PCDHA4: variants seen among roughly 807,000 people sequenced by gnomAD.
PCDHA4 encodes the protein protocadherin alpha 4, also known as protocadherin alpha-4.
Under a neutral mutation model 61.4 loss-of-function variants are expected in PCDHA4, and 49 were observed. The observed-to-expected ratio is 0.80, with a 90% confidence interval of 0.63 to 1.01. The LOEUF is 1.01. Among genes scored for constraint, PCDHA4 ranks in the 50% least tolerant of loss-of-function variants. The pLI, the probability that PCDHA4 is intolerant of heterozygous loss-of-function variation, is 0.00. For missense variants in PCDHA4, 1,254 were observed against 1,235.8 expected (o/e 1.01, Z -0.22); for synonymous variants, 590 against 550.3 (o/e 1.07, Z -1.01).
chr5:140,869,320 G>T, intron 1 of PCDHA4: 1 of 1,613,846 alleles, frequency 6.2e-7, no homozygotes, highest in Non-Finnish European at 8.5e-7. Context: ...AACACATGGG[G>T]ACCTTCTGGA....
In PCDHA4 at chr5:140,978,956, A is replaced by G; in HGVS notation, c.2393A>G (p.Gln798Arg). 3 of 1,614,194 alleles carry G rather than the reference A, an allele frequency of 1.9e-6. No individual in the cohort carries two copies. The highest frequency in any genetic ancestry group is 2.5e-6 in the Non-Finnish European group (3 of 1,180,026). ...CTCTTTGTGATTTTGCAGCCACGAC[A>G]GCCCAACCCTGACTGGCGTTACTCT... ...TTEESFAKPR[Q>R]PNPDWRYSAS... Residue 798 changes from glutamine (Q) to arginine (R), a missense_variant, in exon 2 of 4, where the codon CAG becomes CGG. Transcript: ENST00000530339.
intron 1 of PCDHA4, chr5:140,857,310 A>C (rs781828328): frequency 6.3e-7 from 1 of 1,598,608 alleles, no homozygotes; most frequent in Admixed American, 1.7e-5. Flanking sequence ...TCGGCCTATG[A>C]GCTGGTGGTG....
chr5:140,962,516 A>C (rs1554226093), intron 1 of PCDHA4, among the ~76,000 whole-genome samples: 1 of 152,208 alleles, frequency 6.6e-6, no homozygotes, highest in Non-Finnish European at 1.5e-5. Flanking sequence ...ACTATCAATA[A>C]TATATTAGTT....
chr5:140,873,030 C>T (rs251373), intron 1 of PCDHA4, among the ~76,000 whole-genome samples: 67,234 of 151,934 alleles, frequency 0.44, 15,336 homozygotes, highest in South Asian at 0.58. Context: ...TCTTACTACA[C>T]GTAGAGTGGT....
chr5:141,004,528 C>T (rs2098169666), intron 3 of PCDHA4, among the ~76,000 whole-genome samples: 1 of 152,230 alleles, frequency 6.6e-6, no homozygotes, highest in Non-Finnish European at 1.5e-5. Flanking sequence ...CCAATACACA[C>T]AGCCATTAAT....
At chr5:140,836,232 G>A in intron 1 of PCDHA4, 5 of 1,613,788 alleles carry the variant, frequency 3.1e-6, no homozygotes, top group East Asian at 2.2e-5. Context: ...GGTGGCGGCC[G>A]GTGCGAGCAT....
chr5:140,934,346 G>T (rs941608404), intron 1 of PCDHA4, among the ~76,000 whole-genome samples: 1 of 152,130 alleles, frequency 6.6e-6, no homozygotes, highest in South Asian at 2.1e-4. Flanking sequence ...CACCAGTACA[G>T]TGTGGAGCCA....
In PCDHA4 at chr5:140,841,444, C is replaced by T. The variant is rs2150315677; in HGVS notation, c.2385+31872C>T. 15 of 1,612,806 alleles carry T rather than the reference C, an allele frequency of 9.3e-6. 1 individual carries two copies. The highest frequency in any genetic ancestry group is 1.3e-5 in the African/African-American group (1 of 74,834). ...ACTCCGTCCCCGAGGAGGCCAAACACGGCACCTTCGTGGGCCGGATCGCGC... is the reference window on the plus strand; with the variant it reads ...ACTCCGTCCCCGAGGAGGCCAAACATGGCACCTTCGTGGGCCGGATCGCGC... On this transcript the variant is annotated intron_variant, in intron 1 of 3. Transcript: ENST00000530339.
chr5:140,857,234 C>T (rs781784109), intron 1 of PCDHA4: 2 of 1,598,590 alleles, frequency 1.3e-6, no homozygotes, highest in South Asian at 1.1e-5. Context: ...TCCGTTCAAG[C>T]TGGTGTCCAC....
At chr5:140,884,307 C>G (rs144612735) in intron 1 of PCDHA4, 1 of 1,613,724 alleles carries the variant, frequency 6.2e-7, no homozygotes. Context: ...CAGGCTTCGT[C>G]GAGGGCGTCG....
At position 140,809,544 on chromosome 5, in the gene PCDHA4, T is replaced by G; in HGVS notation, c.2357T>G (p.Leu786Arg). ...LPDSRDREDQLQTTEESFAKP... is the reference protein window; with the variant it reads ...LPDSRDREDQRQTTEESFAKP... ...GACTCTAGGGACAGAGAAGATCAGC[T>G]GCAGACAACTGAGGAATCCTTTGCA... The change falls in exon 1 of 4, where the codon CTG becomes CGG. Residue 786 changes from leucine to arginine, a missense_variant. By Grantham distance (102) the Leu-to-Arg change is moderately radical. Transcript: ENST00000530339. 1 of 1,613,228 alleles carries G rather than the reference T, an allele frequency of 6.2e-7. No homozygotes were observed.
At chr5:141,006,894 A>G (rs781832084) in intron 3 of PCDHA4, among the ~76,000 whole-genome samples, 6 of 152,212 alleles carry the variant, frequency 3.9e-5, no homozygotes, top group African/African-American at 7.2e-5. Context: ...TTGATTTCAG[A>G]TTTCTTCAGT....
intron 1 of PCDHA4, among the ~76,000 whole-genome samples, chr5:140,941,602 A>G (rs1364169026): frequency 1.3e-5 from 2 of 151,994 alleles, no homozygotes; most frequent in African/African-American, 4.8e-5. Flanking sequence ...GCCATGAGCC[A>G]TGGTGCCCAG....
chr5:140,941,701 C>T (rs1312324595), intron 1 of PCDHA4, among the ~76,000 whole-genome samples: 3 of 152,142 alleles, frequency 2.0e-5, no homozygotes, highest in Non-Finnish European at 4.4e-5. Context: ...TTGGGCTTAG[C>T]TTTCCTCCAC....
intron 3 of PCDHA4, 167 bp from the exon 4 acceptor site, chr5:141,009,456 CAAAT>C (rs2098408902): frequency 8.4e-6 from 8 of 947,642 alleles, no homozygotes; most frequent in African/African-American, 3.5e-5. Context: ...AAAAATTAAA[CAAAT>C]AAATAAATAA....
At chr5:140,936,112 C>T (rs782017334) in intron 1 of PCDHA4, among the ~76,000 whole-genome samples, 2 of 152,008 alleles carry the variant, frequency 1.3e-5, no homozygotes, top group Non-Finnish European at 2.9e-5. Context: ...AGGCTGGTCT[C>T]GAACTCCTGA....
At chr5:141,000,939 A>G (rs551872377) in intron 3 of PCDHA4, among the ~76,000 whole-genome samples, 2 of 152,294 alleles carry the variant, frequency 1.3e-5, no homozygotes, top group East Asian at 3.9e-4. Context: ...ATTTAGGACA[A>G]ATTATCTTGC....
At chr5:140,940,645 A>G (rs1554213545) in intron 1 of PCDHA4, among the ~76,000 whole-genome samples, 1 of 152,156 alleles carries the variant, frequency 6.6e-6, no homozygotes, top group Non-Finnish European at 1.5e-5. Flanking sequence ...TCATTTATTT[A>G]TTTAAATATA....
At chr5:140,877,838 A>G (rs1395855806) in intron 1 of PCDHA4, 16 of 1,583,236 alleles carry the variant, frequency 1.0e-5, no homozygotes, top group Non-Finnish European at 1.4e-5. Flanking sequence ...CCTCCCAGTG[A>G]AGTAAGTTAT....
Sources: gnomAD v4.1 joint callset for allele counts (sites outside exome capture counted in the v4.1 genomes callset) on GRCh38, gnomAD v4.1.1 for gene constraint, MANE v1.5 for transcripts, NCBI Gene and HGNC (gene_info 2026-07-23, HGNC 2026-07-21) for gene names.